Variants in ANO3 observed in about 807,000 individuals in gnomAD.
ANO3 encodes the protein anoctamin 3, also known as anoctamin-3.
ANO3 carries 99 observed loss-of-function variants against 144.8 expected under a neutral mutation model. The observed-to-expected ratio is 0.68, with a 90% CI of 0.58 to 0.81. The LOEUF (loss-of-function observed/expected upper bound fraction) is 0.81, where lower values mean the gene tolerates loss of function less well. Ranked by LOEUF, ANO3 falls within the 30% of genes least tolerant of loss-of-function variation. ANO3 has a pLI of 0.00. For missense variants in ANO3, 905 were observed against 1,202.2 expected, an observed-to-expected ratio of 0.75 and a Z score of 3.66; for synonymous variants, 414 against 392.6, an observed-to-expected ratio of 1.05 and a Z score of -0.64.
chr11:26,546,238 G>C (rs2703405), intron 11 of ANO3, among the ~76,000 whole-genome samples: 1 of 151,572 alleles, frequency 6.6e-6, no homozygotes, highest in African/African-American at 2.4e-5. Flanking sequence ...ATTATTGTAT[G>C]AGAAATGAAT....
chr11:26,518,309 G>C (rs149646286), intron 6 of ANO3, among the ~76,000 whole-genome samples: 49 of 152,060 alleles, frequency 3.2e-4, no homozygotes, highest in African/African-American at 1.2e-3. Context: ...GCTGATAATG[G>C]CAGGAATACT....
chr11:26,517,371 C>T (rs1326404404), intron 6 of ANO3, among the ~76,000 whole-genome samples: 1 of 152,014 alleles, frequency 6.6e-6, no homozygotes, highest in East Asian at 1.9e-4. Context: ...TTTCTTAATT[C>T]TGTCCTCAAT....
upstream of ANO3, among the ~76,000 whole-genome samples, chr11:26,307,444 T>C (rs987933142): frequency 1.6e-4 from 25 of 152,086 alleles, no homozygotes; most frequent in Admixed American, 1.5e-3. Context: ...CTCACGCCTG[T>C]AATCCCAGCA....
chr11:26,373,003 C>A (rs149875747), intron 1 of ANO3, among the ~76,000 whole-genome samples: 245 of 151,928 alleles, frequency 1.6e-3, no homozygotes, highest in Non-Finnish European at 2.6e-3. Context: ...TTTTTACTAC[C>A]TAGAAATTAC....
chr11:26,292,093 A>T (rs1480064180), intron 1 of ANO3, among the ~76,000 whole-genome samples: 1 of 152,060 alleles, frequency 6.6e-6, no homozygotes, highest in Non-Finnish European at 1.5e-5. Context: ...TATTTCTTGG[A>T]GGCTTTGTTC....
chr11:26,473,538 G>T (rs1859854312), intron 4 of ANO3, among the ~76,000 whole-genome samples: 1 of 150,310 alleles, frequency 6.7e-6, no homozygotes, highest in East Asian at 2.0e-4. Flanking sequence ...TTTAAAACCA[G>T]AAAAAAAAAT....
At chr11:26,614,751 G>C (rs1413482026) in intron 17 of ANO3, among the ~76,000 whole-genome samples, 2 of 152,130 alleles carry the variant, frequency 1.3e-5, no homozygotes, top group Non-Finnish European at 2.9e-5. Context: ...CTGACTCTGA[G>C]CTAATTCTGG....
chr11:26,447,231 T>G (rs199695612), intron 3 of ANO3, among the ~76,000 whole-genome samples: 21 of 112,842 alleles, frequency 1.9e-4, no homozygotes, highest in African/African-American at 4.8e-4. Context: ...AAAAAAAAGG[T>G]GGGGGGGGGT....
intron 3 of ANO3, among the ~76,000 whole-genome samples, chr11:26,455,915 T>A (rs1161617162): frequency 1.3e-5 from 2 of 151,640 alleles, no homozygotes; most frequent in Admixed American, 6.6e-5. Flanking sequence ...TCAGAAATAA[T>A]GCCATATATC....
chr11:26,594,370 G>A (rs293995), intron 14 of ANO3, among the ~76,000 whole-genome samples: 41,123 of 152,016 alleles, frequency 0.27, 5,870 homozygotes, highest in East Asian at 0.44. Flanking sequence ...CAGCTATGGC[G>A]GCACTTCTCT....
intron 1 of ANO3, among the ~76,000 whole-genome samples, chr11:26,325,473 T>C (rs1034701858): frequency 6.6e-6 from 1 of 152,182 alleles, no homozygotes; most frequent in Non-Finnish European, 1.5e-5. Flanking sequence ...TGATATTAAA[T>C]ATGGATTTAT....
At chr11:26,411,050 G>A (rs1313488051) in intron 1 of ANO3, among the ~76,000 whole-genome samples, 1 of 151,980 alleles carries the variant, frequency 6.6e-6, no homozygotes, top group Non-Finnish European at 1.5e-5. Context: ...GGAGAAAAGA[G>A]AAACATTTCC....
intron 14 of ANO3, among the ~76,000 whole-genome samples, chr11:26,593,192 C>T (rs886596984): frequency 6.6e-6 from 1 of 152,126 alleles, no homozygotes; most frequent in African/African-American, 2.4e-5. Flanking sequence ...CATATTGCTG[C>T]GTGGGCATAG....
At chr11:26,320,999 T>G (rs1340087012) in intron 1 of ANO3, among the ~76,000 whole-genome samples, 1 of 152,178 alleles carries the variant, frequency 6.6e-6, no homozygotes, top group Non-Finnish European at 1.5e-5. Flanking sequence ...TTCTCATTGA[T>G]GACCACATGT....
At chr11:26,249,623 GT>G (rs765541998) in intron 1 of ANO3, among the ~76,000 whole-genome samples, 3 of 151,790 alleles carry the variant, frequency 2.0e-5, no homozygotes, top group Non-Finnish European at 4.4e-5. Flanking sequence ...GCACTGTTAT[GT>G]TGTTAAATAT....
intron 1 of ANO3, among the ~76,000 whole-genome samples, chr11:26,326,395 A>G (rs1854882884): frequency 6.6e-6 from 1 of 152,154 alleles, no homozygotes; most frequent in African/African-American, 2.4e-5. Context: ...AGACTTAGCT[A>G]TATTTTGAAT....
chr11:26,467,846 A>G (rs1859654196), intron 4 of ANO3, among the ~76,000 whole-genome samples: 1 of 151,896 alleles, frequency 6.6e-6, no homozygotes, highest in Non-Finnish European at 1.5e-5. Flanking sequence ...TGGCTAAGCA[A>G]TTTAAGGAAG....
At chr11:26,200,498 A>T (rs1441738498) in intron 1 of ANO3, among the ~76,000 whole-genome samples, 1 of 152,116 alleles carries the variant, frequency 6.6e-6, no homozygotes, top group Non-Finnish European at 1.5e-5. Context: ...ATATTTATTT[A>T]GCACCTCTTC....
At chr11:26,224,678 T>C (rs1388559050) in intron 1 of ANO3, among the ~76,000 whole-genome samples, 1 of 152,224 alleles carries the variant, frequency 6.6e-6, no homozygotes, top group Non-Finnish European at 1.5e-5. Context: ...CCAAGCATCC[T>C]TTTGTCAAGG....
Sources: allele counts gnomAD v4.1 joint callset (sites outside exome capture counted in the v4.1 genomes callset), GRCh38; gene constraint gnomAD v4.1.1; transcripts MANE v1.5; gene names NCBI Gene and HGNC (gene_info 2026-07-23, HGNC 2026-07-21).